Variants in BNC2 observed in about 807,000 individuals in gnomAD.
BNC2 encodes the protein basonuclin zinc finger protein 2, also known as zinc finger protein basonuclin-2.
A neutral mutation model predicts 76.3 loss-of-function variants in BNC2; 20 were observed. The ratio of observed to expected loss-of-function variants is 0.26; its 90% CI spans 0.18 to 0.38. The LOEUF (loss-of-function observed/expected upper bound fraction) is 0.38. Ranked by LOEUF, BNC2 falls within the 10% of genes least tolerant of loss-of-function variation. BNC2 has a pLI of 1.00. For synonymous variants in BNC2, 582 were observed against 514.8 expected (o/e 1.13, Z -1.77); for missense variants, 1,382 against 1,399.8 (o/e 0.99, Z 0.20).
intron 1 of BNC2, among the ~76,000 whole-genome samples, chr9:16,786,613 C>T (rs1301003598): frequency 1.3e-5 from 2 of 152,142 alleles, no homozygotes; most frequent in Non-Finnish European, 2.9e-5. Flanking sequence ...ATCAGGGTTC[C>T]ATGAGAATGC....
chr9:16,768,594 G>A (rs1453724095), intron 1 of BNC2, among the ~76,000 whole-genome samples: 1 of 152,032 alleles, frequency 6.6e-6, no homozygotes, highest in Non-Finnish European at 1.5e-5. Context: ...AGAAAGAGCT[G>A]ATCCAGAGAA....
At chr9:16,674,457 T>A (rs1175570897) in intron 3 of BNC2, among the ~76,000 whole-genome samples, 1 of 152,178 alleles carries the variant, frequency 6.6e-6, no homozygotes. Context: ...AGGAGTATCC[T>A]GGTGTCATGA....
intron 1 of BNC2, among the ~76,000 whole-genome samples, chr9:16,770,227 C>T (rs1050466405): frequency 6.6e-6 from 1 of 152,136 alleles, no homozygotes; most frequent in Non-Finnish European, 1.5e-5. Flanking sequence ...ACAGTGGATG[C>T]TCATCCACTG....
At chr9:16,438,678 A>C (rs941035918) in intron 5 of BNC2, among the ~76,000 whole-genome samples, 4 of 152,188 alleles carry the variant, frequency 2.6e-5, no homozygotes, top group African/African-American at 7.2e-5. Flanking sequence ...CTGACCATGA[A>C]TTTAAGAAAG....
chr9:16,665,535 ATTCT>A (rs778449270), intron 3 of BNC2, among the ~76,000 whole-genome samples: 5 of 152,118 alleles, frequency 3.3e-5, no homozygotes, highest in Non-Finnish European at 7.4e-5. Flanking sequence ...AGACCTGTAA[ATTCT>A]TTGAGGTTGA....
chr9:16,499,721 G>T (rs1403973392), intron 5 of BNC2, among the ~76,000 whole-genome samples: 1 of 151,520 alleles, frequency 6.6e-6, no homozygotes, highest in African/African-American at 2.4e-5. Flanking sequence ...AGTAGAGATG[G>T]GGTTTCACCA....
intron 1 of BNC2, among the ~76,000 whole-genome samples, chr9:16,782,361 C>A (rs183714778): frequency 6.6e-6 from 1 of 151,778 alleles, no homozygotes; most frequent in East Asian, 1.9e-4. Flanking sequence ...GTATTTCTAT[C>A]GGGGTAAGAA....
At chr9:16,702,569 T>C (rs544799911) in intron 3 of BNC2, among the ~76,000 whole-genome samples, 1 of 149,366 alleles carries the variant, frequency 6.7e-6, no homozygotes, top group Admixed American at 6.6e-5. Flanking sequence ...CATCTGCTGA[T>C]GGCCTAATAT....
At chr9:16,725,888 T>C (rs1824300925) in intron 3 of BNC2, among the ~76,000 whole-genome samples, 2 of 152,194 alleles carry the variant, frequency 1.3e-5, no homozygotes, top group Non-Finnish European at 2.9e-5. Context: ...ACACCATCTA[T>C]GTGGTTCAAT....
intron 1 of BNC2, among the ~76,000 whole-genome samples, chr9:16,841,466 A>G (rs1187787227): frequency 1.3e-5 from 2 of 152,210 alleles, no homozygotes; most frequent in East Asian, 3.8e-4. Flanking sequence ...GTAACTAATT[A>G]TTCCTCAAAA....
Position 16,436,385 on chromosome 9 carries a change from C to T in BNC2, c.1809G>A (p.Gln603=), listed in dbSNP as rs2130855064. Residue 603 remains glutamine (Q), a synonymous_variant, in exon 6 of 7, where the codon CAG becomes CAA. Coordinates refer to ENST00000380672, the MANE Select transcript of BNC2 (RefSeq NM_017637.6). The part of the protein sequence containing the change: ...PIIPTSGTIE[Q]HPPPPSEPVV... ...CTGGCTCAGAGGGTGGCGGGGGGTGCTGCTCTATGGTACCACTGGTTGGAA... is the reference window on the plus strand; with the variant it reads ...CTGGCTCAGAGGGTGGCGGGGGGTGTTGCTCTATGGTACCACTGGTTGGAA... The T allele has an allele frequency of 1.2e-6, 2 of 1,614,080 alleles. No individual in the cohort carries two copies. The highest frequency in any genetic ancestry group is 1.7e-5 in the Admixed American group (1 of 60,014).
At chr9:16,754,721 C>G (rs1164518105) in intron 1 of BNC2, among the ~76,000 whole-genome samples, 1 of 152,082 alleles carries the variant, frequency 6.6e-6, no homozygotes, top group East Asian at 1.9e-4. Context: ...CCATGCCCAG[C>G]TAATATTTGT....
intron 5 of BNC2, among the ~76,000 whole-genome samples, chr9:16,544,203 G>C (rs972797689): frequency 6.6e-6 from 1 of 152,044 alleles, no homozygotes; most frequent in Non-Finnish European, 1.5e-5. Context: ...GGTTTTCTGA[G>C]AGATCTCCTA....
chr9:16,417,115 A>C lies in BNC2; in HGVS notation c.*1874T>G, dbSNP rs1820599798. The C allele has an allele frequency of 6.6e-6, 1 of 152,308 alleles. No homozygotes were observed. Among genetic ancestry groups the C allele is most frequent in the Non-Finnish European group, 1.5e-5 (1 of 68,010 alleles). The allele number at this position is 152,308 out of a possible 1,614,324, so 9.4% of individuals were successfully genotyped here. ...CTGTTTGACAAAATATTCCTTGTTTATCTCTTCTTTTCCCCTCCACTTAAA... is the reference window on the plus strand; with the variant it reads ...CTGTTTGACAAAATATTCCTTGTTTCTCTCTTCTTTTCCCCTCCACTTAAA... On this transcript the variant is annotated 3_prime_UTR_variant, in exon 7 of 7. Transcript: ENST00000380672.
intron 1 of BNC2, among the ~76,000 whole-genome samples, chr9:16,845,499 A>G (rs953168139): frequency 1.3e-5 from 2 of 152,016 alleles, no homozygotes; most frequent in Admixed American, 6.6e-5. Flanking sequence ...AGGCGGGCGG[A>G]TCACAAGGTC....
chr9:16,845,496 C>G (rs539306734), intron 1 of BNC2, among the ~76,000 whole-genome samples: 1 of 151,982 alleles, frequency 6.6e-6, no homozygotes, highest in South Asian at 2.1e-4. Context: ...CCAAGGCGGG[C>G]GGATCACAAG....
At chr9:16,845,746 A>G (rs763762477) in intron 1 of BNC2, among the ~76,000 whole-genome samples, 4 of 152,110 alleles carry the variant, frequency 2.6e-5, no homozygotes, top group Non-Finnish European at 5.9e-5. Flanking sequence ...TAAAATAGGA[A>G]AATTATACCA....
In BNC2 at chr9:16,672,117, A is replaced by T. The variant is rs187063896; in HGVS notation, c.330+55680T>A. 3.4e-3 allele frequency among the ~76,000 whole-genome samples: 521 copies of T among 152,344 alleles called. 4 individuals are homozygous for T. The highest frequency in any genetic ancestry group is 0.012 in the African/African-American group (497 of 41,590). ...TGGCATCACAGATAATCACAGGTGA[A>T]ACAGGGAGATCTGGGGCACTCCTAT... is the stretch of plus-strand genomic sequence containing the variant. On this transcript the variant is annotated intron_variant, in intron 3 of 6. Transcript: ENST00000380672.
At chr9:16,611,250 A>G (rs73421417) in intron 3 of BNC2, among the ~76,000 whole-genome samples, 13 of 152,324 alleles carry the variant, frequency 8.5e-5, no homozygotes, top group African/African-American at 3.1e-4. Flanking sequence ...CAGATACTTT[A>G]AATTAGTCAC....
Sources: allele counts gnomAD v4.1 joint callset (sites outside exome capture counted in the v4.1 genomes callset), GRCh38; gene constraint gnomAD v4.1.1; transcripts MANE v1.5; gene names NCBI Gene and HGNC (gene_info 2026-07-23, HGNC 2026-07-21).